AGBL1: variants seen among roughly 807,000 people sequenced by gnomAD.
AGBL1 encodes AGBL carboxypeptidase 1, also known as cytosolic carboxypeptidase 4.
In AGBL1, 130 loss-of-function variants were observed where a neutral mutation model predicts 118.9. That is an observed-to-expected ratio of 1.09 (90% confidence interval 0.95 to 1.26). The LOEUF is 1.26. Ranked by LOEUF, AGBL1 falls within the 50% of genes most tolerant of loss-of-function variation. The pLI is 0.00. For synonymous variants in AGBL1, 555 were observed against 478.9 expected (o/e 1.16, Z -2.08); for missense variants, 1,584 against 1,298.1 (o/e 1.22, Z -3.38).
At chr15:86,775,275 T>C (rs2141295850) in intron 22 of AGBL1, among the ~76,000 whole-genome samples, 1 of 152,232 alleles carries the variant, frequency 6.6e-6, no homozygotes, top group East Asian at 1.9e-4. Context: ...TTGGGAGTAA[T>C]AGATTAATTC....
intron 5 of AGBL1, among the ~76,000 whole-genome samples, chr15:86,173,590 T>C (rs1262187441): frequency 6.6e-6 from 1 of 152,186 alleles, no homozygotes; most frequent in African/African-American, 2.4e-5. Context: ...TATATTTAAG[T>C]CTTTAATCCA....
At chr15:86,468,065 A>C (rs988915143) in intron 18 of AGBL1, among the ~76,000 whole-genome samples, 12 of 151,948 alleles carry the variant, frequency 7.9e-5, no homozygotes, top group African/African-American at 2.4e-4. Flanking sequence ...GACTTAAATC[A>C]TTTTGTCCCT....
At position 86,086,099 on chromosome 15, in the gene AGBL1, C is replaced by G. The variant is rs6650532; in HGVS notation, c.51+6076C>G. On this transcript the variant is annotated intron_variant, in intron 1 of 22. Transcript: ENST00000614907. Reference sequence around the variant, plus strand: ...CTGAGGCAAATGGCCAACAGCGACCCACGCCTACAGCAGAAAGCCATCACT... The same window carrying G: ...CTGAGGCAAATGGCCAACAGCGACCGACGCCTACAGCAGAAAGCCATCACT... 2.3e-3 allele frequency among the ~76,000 whole-genome samples: 356 copies of G among 152,320 alleles called. 6 individuals carry two copies. The highest frequency in any genetic ancestry group is 8.2e-3 in the African/African-American group (342 of 41,568).
At chr15:86,196,904 C>CACAT (rs2077821558) in intron 5 of AGBL1, among the ~76,000 whole-genome samples, 1 of 151,586 alleles carries the variant, frequency 6.6e-6, no homozygotes, top group African/African-American at 2.4e-5. Flanking sequence ...CACACACACA[C>CACAT]ACACACACAC....
intron 18 of AGBL1, among the ~76,000 whole-genome samples, chr15:86,433,270 T>C (rs929475811): frequency 0.018 from 1,700 of 93,546 alleles, 15 homozygotes; most frequent in African/African-American, 0.034. Flanking sequence ...CTTCTTCTTT[T>C]TTTTTTTTTT....
At chr15:86,378,232 T>C (rs2081065938) in intron 17 of AGBL1, among the ~76,000 whole-genome samples, 1 of 152,234 alleles carries the variant, frequency 6.6e-6, no homozygotes, top group South Asian at 2.1e-4. Context: ...TACCTTAATG[T>C]GCTGTCTGCC....
chr15:86,206,440 A>G (rs2077993352), intron 5 of AGBL1, among the ~76,000 whole-genome samples: 1 of 152,200 alleles, frequency 6.6e-6, no homozygotes, highest in Non-Finnish European at 1.5e-5. Flanking sequence ...ACAGTGAGAA[A>G]GTGTTCCTAT....
chr15:86,844,220 T>C (rs28833555), intron 22 of AGBL1, among the ~76,000 whole-genome samples: 6,535 of 152,282 alleles, frequency 0.043, 432 homozygotes, highest in African/African-American at 0.15. Flanking sequence ...TGTGTGGACA[T>C]GTTTCAGTTT....
chr15:86,103,814 C>G (rs1436045041), intron 1 of AGBL1, among the ~76,000 whole-genome samples: 1 of 152,144 alleles, frequency 6.6e-6, no homozygotes, highest in African/African-American at 2.4e-5. Context: ...CTATTCTAGG[C>G]AATTTGGTTC....
intron 8 of AGBL1, 74 bp from the exon 9 acceptor site, chr15:86,257,890 A>G (rs965706259): frequency 6.9e-7 from 1 of 1,441,606 alleles, no homozygotes; most frequent in African/African-American, 1.4e-5. Context: ...GAACCACTGT[A>G]TGGTGAAAAT....
chr15:86,329,961 C>T (rs532517468), intron 17 of AGBL1, among the ~76,000 whole-genome samples: 4 of 152,360 alleles, frequency 2.6e-5, no homozygotes, highest in Non-Finnish European at 4.4e-5. Flanking sequence ...CCCTACATCA[C>T]TGTGCAGAGG....
intron 22 of AGBL1, among the ~76,000 whole-genome samples, chr15:86,785,293 C>G (rs150965394): frequency 1.2e-4 from 18 of 150,736 alleles, no homozygotes; most frequent in Non-Finnish European, 2.7e-4. Flanking sequence ...TCTGGCTGAC[C>G]GTCGGAATCC....
At chr15:86,834,828 G>A (rs1384749148) in intron 22 of AGBL1, among the ~76,000 whole-genome samples, 2 of 152,158 alleles carry the variant, frequency 1.3e-5, no homozygotes, top group African/African-American at 4.8e-5. Flanking sequence ...GACCTACATG[G>A]CATGCACAAG....
chr15:86,469,021 G>C (rs12902893), intron 18 of AGBL1, among the ~76,000 whole-genome samples: 67,369 of 151,952 alleles, frequency 0.44, 15,439 homozygotes, highest in Non-Finnish European at 0.48. Context: ...TTGTGAAATG[G>C]TTAAATGCTT....
intron 21 of AGBL1, among the ~76,000 whole-genome samples, chr15:86,600,669 A>G (rs2084478697): frequency 4.6e-5 from 7 of 152,132 alleles, no homozygotes; most frequent in Admixed American, 4.6e-4. Flanking sequence ...ACTGGTTCCT[A>G]GGAAAGGAAG....
chr15:86,363,751 A>C (rs2080839806), intron 17 of AGBL1, among the ~76,000 whole-genome samples: 1 of 152,090 alleles, frequency 6.6e-6, no homozygotes, highest in Non-Finnish European at 1.5e-5. Context: ...TCATATTTCC[A>C]AATGCCTGCT....
At chr15:86,197,567 C>G (rs1418031625) in intron 5 of AGBL1, among the ~76,000 whole-genome samples, 1 of 152,104 alleles carries the variant, frequency 6.6e-6, no homozygotes, top group Non-Finnish European at 1.5e-5. Flanking sequence ...GAAGATGTGG[C>G]TATGTTCTTC....
At chr15:86,741,380 G>A (rs1187358243) in intron 22 of AGBL1, among the ~76,000 whole-genome samples, 1 of 7,242 alleles carries the variant, frequency 1.4e-4, no homozygotes, top group Admixed American at 2.0e-3. Context: ...CTAAGGCAAA[G>A]CAAAAAAAAA....
chr15:86,185,091 C>T (rs1010858064), intron 5 of AGBL1, among the ~76,000 whole-genome samples: 16 of 152,116 alleles, frequency 1.1e-4, no homozygotes, highest in South Asian at 4.1e-4. Context: ...AAAAAGTGGG[C>T]GAAGGATATG....
Sources: allele counts gnomAD v4.1 joint callset (sites outside exome capture counted in the v4.1 genomes callset), GRCh38; gene constraint gnomAD v4.1.1; transcripts MANE v1.5; gene names NCBI Gene and HGNC (gene_info 2026-07-23, HGNC 2026-07-21).